The following USF1 variants were observed in gnomAD, a reference collection of about 807,000 sequenced individuals.
The protein encoded by USF1 is upstream stimulatory factor 1.
USF1 carries 22 observed loss-of-function variants against 46.3 expected under a neutral mutation model. The observed-to-expected ratio is 0.47, with a 90% CI of 0.34 to 0.68. USF1 has a LOEUF of 0.68. Among genes scored for constraint, USF1 ranks in the 30% least tolerant of loss-of-function variants. The pLI is 0.01. For missense variants in USF1, 287 were observed against 399.3 expected (o/e 0.72, Z 2.40); for synonymous variants, 150 against 147.0 (o/e 1.02, Z -0.15).
intron 1 of USF1, among the ~76,000 whole-genome samples, 156 bp from the exon 2 acceptor site, chr1:161,043,516 C>T (rs1228776495): frequency 6.6e-6 from 1 of 152,002 alleles, no homozygotes; most frequent in South Asian, 2.1e-4. Flanking sequence ...GACTGGCCTA[C>T]AGTGATTGAA....
chr1:161,045,683 A>G (rs953017135), intron 1 of USF1, among the ~76,000 whole-genome samples, 175 bp downstream of exon 1: 1 of 152,200 alleles, frequency 6.6e-6, no homozygotes, highest in African/African-American at 2.4e-5. Flanking sequence ...GGGAAGGGAG[A>G]GAGTTTGGCC....
chr1:161,041,938 G>A lies in USF1; in HGVS notation c.277-92C>T, dbSNP rs1048080620. ...GCAGCTTCTATCCGTTGGGGTGGTAGGTAGGGTGGAGAGAGAGAGAGAGAG... is the reference window on the plus strand; with the variant it reads ...GCAGCTTCTATCCGTTGGGGTGGTAAGTAGGGTGGAGAGAGAGAGAGAGAG... On this transcript the variant is annotated intron_variant, in intron 5 of 10. Transcript: ENST00000368021. 1.6e-5 allele frequency: 23 copies of A among 1,399,496 alleles called. No homozygotes were observed. In the East Asian group the frequency reaches 4.6e-4, roughly 28 times the overall value. 86.7% of individuals were successfully genotyped at this position (1,399,496 alleles called of 1,614,324 possible). A position where few individuals can be genotyped will look rare whatever the true frequency, so the allele number is the denominator to read the frequency against.
chr1:161,043,546 T>C (rs977754204), intron 1 of USF1, among the ~76,000 whole-genome samples, 186 bp from the exon 2 acceptor site: 1 of 151,980 alleles, frequency 6.6e-6, no homozygotes, highest in Admixed American at 6.6e-5. Flanking sequence ...CTACAAATAG[T>C]GTTCCCCATC....
At position 161,040,438 on chromosome 1, in the gene USF1, TA is replaced by T; in HGVS notation, c.715-109del. 1 of 1,574,610 alleles carries T rather than the reference TA, an allele frequency of 6.4e-7. No homozygotes were observed. The highest frequency in any genetic ancestry group is 8.6e-7 in the Non-Finnish European group (1 of 1,157,450). Reference sequence around the variant, plus strand: ...TCATTTTCATCTAAGGAAGGTGGTATAATATCTCCCAGGGATACAGGAACCT... The same window carrying T: ...TCATTTTCATCTAAGGAAGGTGGTATATATCTCCCAGGGATACAGGAACCT... On this transcript the variant is annotated intron_variant, in intron 9 of 10. Coordinates refer to ENST00000368021, the MANE Select transcript of USF1 (RefSeq NM_007122.5). This position sits in a 1 kb window ranked among gnomAD's most constrained non-coding sequence, Gnocchi z 4.0.
At position 161,039,626 on chromosome 1, in the gene USF1, A is replaced by T. The variant is rs550835051; in HGVS notation, c.*294T>A. The T allele has an allele frequency of 7.7e-6, 3 of 389,498 alleles. No homozygotes were observed. The highest frequency in any genetic ancestry group is 1.4e-5 in the Non-Finnish European group (3 of 210,860). The allele number at this position is 389,498 out of a possible 1,614,324, so 24.1% of individuals were successfully genotyped here. ...TAAGCAAGCACAGGACAAGCCCCAG[A>T]GTTTAGTGTGTCCAGTATCCAGCAT... On this transcript the variant is annotated 3_prime_UTR_variant, in exon 11 of 11. Transcript: ENST00000368021.
intron 7 of USF1, among the ~76,000 whole-genome samples, chr1:161,041,092 T>C (rs1456949067): frequency 1.3e-4 from 19 of 151,754 alleles, no homozygotes; most frequent in Non-Finnish European, 4.4e-5. Flanking sequence ...TGAAACCCTG[T>C]CTCTACTAAA....
chr1:161,044,974 G>T (rs1411351434), intron 1 of USF1: 1 of 152,252 alleles, frequency 6.6e-6, no homozygotes, highest in Non-Finnish European at 1.5e-5. Context: ...CGAGGAAAAT[G>T]TTGAAAAAGG....
At chr1:161,043,901 A>G (rs1206306344) in intron 1 of USF1, among the ~76,000 whole-genome samples, 9 of 147,658 alleles carry the variant, frequency 6.1e-5, no homozygotes, top group Non-Finnish European at 1.3e-4. Context: ...CTGGGATTAC[A>G]GGTGTGAGCC....
At chr1:161,044,634 T>C (rs149397699) in intron 1 of USF1, among the ~76,000 whole-genome samples, 1,868 of 152,124 alleles carry the variant, frequency 0.012, 19 homozygotes, top group Middle Eastern at 0.031. Context: ...ACAACACTGT[T>C]GCTAAAATGT....
intron 1 of USF1, 86 bp from the exon 2 acceptor site, chr1:161,043,446 C>G: frequency 9.8e-7 from 1 of 1,025,608 alleles, no homozygotes; most frequent in Non-Finnish European, 1.4e-6. Context: ...GAACACATAG[C>G]CAGGAAAATA....
At chr1:161,042,283 G>A in intron 4 of USF1, 66 bp from the exon 5 acceptor site, 1 of 1,504,042 alleles carries the variant, frequency 6.6e-7, no homozygotes. Flanking sequence ...GGGAATCCTA[G>A]GGCCCCTCAT....
chr1:161,041,294 GGAA>G, intron 7 of USF1, 27 bp downstream of exon 7: 2 of 1,246,454 alleles, frequency 1.6e-6, no homozygotes, highest in Non-Finnish European at 2.3e-6. Flanking sequence ...AACCACTTAC[GGAA>G]TCTGAGAAGA....
At chr1:161,041,574 G>A (rs1311183098) in intron 6 of USF1, 77 bp downstream of exon 6, 11 of 1,541,488 alleles carry the variant, frequency 7.1e-6, no homozygotes, top group Non-Finnish European at 8.8e-6. Flanking sequence ...AGTCATGAGT[G>A]AAGGCTCACT....
intron 5 of USF1, 101 bp from the exon 6 acceptor site, chr1:161,041,947 GA>G: frequency 6.2e-6 from 2 of 322,714 alleles, no homozygotes; most frequent in Non-Finnish European, 9.2e-6. Flanking sequence ...AGGTAGGGTG[GA>G]GAGAGAGAGA....
intron 4 of USF1, 47 bp downstream of exon 4, chr1:161,042,508 A>G (rs1287924530): frequency 1.4e-5 from 23 of 1,603,540 alleles, no homozygotes; most frequent in East Asian, 2.2e-5. Context: ...ACCTCCCTCA[A>G]TCCCAACCCC....
Position 161,040,134 on chromosome 1 carries a change from A to G in USF1, c.843+68T>C, listed in dbSNP as rs957064314. On this transcript the variant is annotated intron_variant, in intron 10 of 10. Coordinates refer to ENST00000368021, the MANE Select transcript of USF1 (RefSeq NM_007122.5). The surrounding 1 kb of genome is among the most constrained non-coding windows in gnomAD (Gnocchi z 4.0). ...AAGCCTTCTCCATGGAGAACAAAGTAGAGGGTGTCAAACTGGGTCAGTGGC... is the reference window on the plus strand; with the variant it reads ...AAGCCTTCTCCATGGAGAACAAAGTGGAGGGTGTCAAACTGGGTCAGTGGC... 3.7e-6 allele frequency: 6 copies of G among 1,610,550 alleles called. No homozygotes were observed. Among genetic ancestry groups the G allele is most frequent in the Non-Finnish European group, 5.1e-6 (6 of 1,177,478 alleles).
Position 161,039,289 on chromosome 1 carries a change from AAAAAAAAAAAAG to A in USF1, c.*619_*630del, listed in dbSNP as rs1650405820. 2 of 166,978 alleles carry A rather than the reference AAAAAAAAAAAAG, an allele frequency of 1.2e-5. No individual in the cohort carries two copies. Among genetic ancestry groups the A allele is most frequent in the African/African-American group, 4.9e-5 (2 of 40,968 alleles). The allele number at this position is 166,978 out of a possible 1,614,324, so 10.3% of individuals were successfully genotyped here. A position where few individuals can be genotyped will look rare whatever the true frequency, so the allele number is the denominator to read the frequency against. On this transcript the variant is annotated 3_prime_UTR_variant, in exon 11 of 11. Transcript: ENST00000368021. ...TTTTATCTTAAAAAAAAAAAAAAAA[AAAAAAAAAAAAG>A]AAAAGAAAAAAAAAAAACGACCCCC...
Position 161,040,264 on chromosome 1 carries a change from A to G in USF1, c.781T>C (p.Leu261=), listed in dbSNP as rs928473045. 1.2e-6 allele frequency: 2 copies of G among 1,614,186 alleles called. No individual in the cohort carries two copies. Among genetic ancestry groups the G allele is most frequent in the African/African-American group, 2.7e-5 (2 of 75,032 alleles). The part of the protein sequence containing the change: ...IQELRQSNHR[L]SEELQGLDQL... The stretch of plus-strand genomic sequence containing the variant: ...TCAAGTCCCTGCAGTTCTTCAGACA[A>G]GCGGTGGTTACTCTGCCGAAGCTCC... The change falls in exon 10 of 11, where the codon TTG becomes CTG. Residue 261 remains leucine, a synonymous_variant. Coordinates refer to ENST00000368021, the MANE Select transcript of USF1 (RefSeq NM_007122.5). The surrounding 1 kb of genome is among the most constrained non-coding windows in gnomAD (Gnocchi z 4.0).
At chr1:161,041,951 G>T in intron 5 of USF1, 105 bp from the exon 6 acceptor site, 1 of 1,245,924 alleles carries the variant, frequency 8.0e-7, no homozygotes, top group South Asian at 1.5e-5. Context: ...AGGGTGGAGA[G>T]AGAGAGAGAG....
Sources: allele counts gnomAD v4.1 joint callset (sites outside exome capture counted in the v4.1 genomes callset), GRCh38; gene constraint gnomAD v4.1.1; non-coding constraint Gnocchi (gnomAD v3.1); transcripts MANE v1.5; gene names NCBI Gene and HGNC (gene_info 2026-07-23, HGNC 2026-07-21).